PCDHA13: variants seen among roughly 807,000 people sequenced by gnomAD.
PCDHA13 encodes the protein protocadherin alpha-13.
PCDHA13 carries 54 observed loss-of-function variants against 64.8 expected under a neutral mutation model. The ratio of observed to expected loss-of-function variants is 0.83; its 90% CI spans 0.67 to 1.04. PCDHA13 has a LOEUF of 1.04. Among genes scored for constraint, PCDHA13 ranks in the 50% least tolerant of loss-of-function variants. The pLI is 0.00. For missense variants in PCDHA13, 1,248 were observed against 1,254.3 expected (o/e 0.99, Z 0.08); for synonymous variants, 587 against 564.4 (o/e 1.04, Z -0.57).
intron 1 of PCDHA13, among the ~76,000 whole-genome samples, chr5:140,944,151 A>G (rs2093615419): frequency 6.6e-6 from 1 of 152,070 alleles, no homozygotes; most frequent in African/African-American, 2.4e-5. Flanking sequence ...GAAGAGTTGA[A>G]AATTAAAGGG....
At chr5:140,983,184 T>C (rs1367703446) in intron 3 of PCDHA13, among the ~76,000 whole-genome samples, 2 of 152,192 alleles carry the variant, frequency 1.3e-5, no homozygotes, top group Non-Finnish European at 2.9e-5. Flanking sequence ...CACAATTTCT[T>C]AGTTTAGAGG....
chr5:140,896,194 T>G (rs2065426928), intron 1 of PCDHA13, among the ~76,000 whole-genome samples: 2 of 152,244 alleles, frequency 1.3e-5, no homozygotes, highest in Middle Eastern at 3.2e-3. Flanking sequence ...AATAGTGCCA[T>G]GATGAACATA....
intron 1 of PCDHA13, among the ~76,000 whole-genome samples, chr5:140,973,564 A>T (rs2096593487): frequency 6.6e-6 from 1 of 152,168 alleles, no homozygotes; most frequent in Admixed American, 6.5e-5. Context: ...CTCTTTCCTC[A>T]ATTTTTCTAC....
chr5:140,985,739 CTTTTT>C (rs11372071), intron 3 of PCDHA13, among the ~76,000 whole-genome samples: 1 of 117,916 alleles, frequency 8.5e-6, no homozygotes, highest in Non-Finnish European at 1.7e-5. Context: ...TGATGAATTC[CTTTTT>C]TTTTTTTTTT....
chr5:140,923,986 G>A (rs1482099424), intron 1 of PCDHA13, among the ~76,000 whole-genome samples: 2 of 152,074 alleles, frequency 1.3e-5, no homozygotes, highest in African/African-American at 2.4e-5. Flanking sequence ...ATCCCTCTAG[G>A]TGCAGCTCAG....
At chr5:140,986,828 G>C (rs1001117075) in intron 3 of PCDHA13, among the ~76,000 whole-genome samples, 2 of 152,146 alleles carry the variant, frequency 1.3e-5, no homozygotes, top group African/African-American at 2.4e-5. Flanking sequence ...TTTAGACAAT[G>C]GTTCTCAAAG....
intron 1 of PCDHA13, among the ~76,000 whole-genome samples, chr5:140,963,398 G>C (rs1465736344): frequency 6.6e-6 from 1 of 152,220 alleles, no homozygotes; most frequent in Admixed American, 6.5e-5. Flanking sequence ...CTCCCTACTG[G>C]ATGCTGTAGA....
intron 1 of PCDHA13, among the ~76,000 whole-genome samples, chr5:140,895,298 C>A (rs1208960325): frequency 6.6e-6 from 1 of 151,928 alleles, no homozygotes; most frequent in Non-Finnish European, 1.5e-5. Context: ...CCTTCGATTT[C>A]CCCCCTTCCA....
intron 1 of PCDHA13, among the ~76,000 whole-genome samples, chr5:140,916,805 A>G (rs560427769): frequency 6.6e-6 from 1 of 152,152 alleles, no homozygotes; most frequent in Non-Finnish European, 1.5e-5. Context: ...ATGACTTCCT[A>G]GGTCATGTGC....
At chr5:140,946,191 CAAAAG>C (rs2093900144) in intron 1 of PCDHA13, among the ~76,000 whole-genome samples, 1 of 151,950 alleles carries the variant, frequency 6.6e-6, no homozygotes, top group Non-Finnish European at 1.5e-5. Flanking sequence ...AGACATTTCT[CAAAAG>C]AAAGCACACA....
At chr5:141,008,745 G>A (rs759690147) in intron 3 of PCDHA13, among the ~76,000 whole-genome samples, 5 of 152,200 alleles carry the variant, frequency 3.3e-5, no homozygotes, top group Non-Finnish European at 7.3e-5. Context: ...TGAGCACACT[G>A]AGGGAAGGAA....
intron 1 of PCDHA13, among the ~76,000 whole-genome samples, chr5:140,893,588 A>G (rs2064072698): frequency 6.6e-6 from 1 of 152,212 alleles, no homozygotes; most frequent in South Asian, 2.1e-4. Flanking sequence ...TTGTTTGGGA[A>G]ATACTTTATT....
intron 1 of PCDHA13, among the ~76,000 whole-genome samples, chr5:140,890,467 AT>A (rs1562850687): frequency 1.3e-5 from 2 of 152,154 alleles, no homozygotes; most frequent in African/African-American, 4.8e-5. Context: ...AAATATTTCA[AT>A]TTTTTGTGCG....
intron 3 of PCDHA13, among the ~76,000 whole-genome samples, chr5:140,989,450 T>C (rs1299416259): frequency 6.6e-6 from 1 of 152,208 alleles, no homozygotes; most frequent in Admixed American, 6.5e-5. Context: ...TTGTTTAGAA[T>C]TGTTAGGCTT....
Position 140,884,627 on chromosome 5 carries a change from G to C in PCDHA13, c.2359G>C (p.Gly787Arg), listed in dbSNP as rs140550923. Residue 787 changes from glycine (G) to arginine (R), a missense_variant, in exon 1 of 4, where the codon GGC becomes CGC. Transcript: ENST00000289272. ...TTGTCTGGGTTCTGCAGAGGGAACA[G>C]GCCAGAGGGAGGAGGACTCAGAATG... ...PPCLGSAEGT[G>R]QREEDSECLK... is the part of the protein sequence containing the mutation. The C allele has an allele frequency of 4.8e-5, 77 of 1,612,780 alleles. No individual in the cohort carries two copies. In the African/African-American group the frequency reaches 8.8e-4, roughly 18 times the overall value.
chr5:140,992,465 C>G (rs1554252929), intron 3 of PCDHA13, among the ~76,000 whole-genome samples: 2 of 152,162 alleles, frequency 1.3e-5, no homozygotes. Flanking sequence ...GGACAGTACT[C>G]TTTAGATCAC....
intron 1 of PCDHA13, chr5:140,968,472 T>C (rs1554230782): frequency 6.2e-7 from 1 of 1,614,130 alleles, no homozygotes; most frequent in Non-Finnish European, 8.5e-7. Context: ...AACGTATATG[T>C]GGTGGACATG....
intron 1 of PCDHA13, among the ~76,000 whole-genome samples, chr5:140,891,306 A>G (rs1452305510): frequency 6.6e-6 from 1 of 152,034 alleles, no homozygotes; most frequent in African/African-American, 2.4e-5. Flanking sequence ...ATTTGATTAC[A>G]TGAGTAAGTT....
intron 3 of PCDHA13, among the ~76,000 whole-genome samples, chr5:141,000,533 T>G (rs1554257655): frequency 3.4e-5 from 5 of 147,384 alleles, no homozygotes; most frequent in Admixed American, 1.4e-4. Context: ...GTTCAAGTGA[T>G]TCTCATGCCT....
Sources: allele counts gnomAD v4.1 joint callset (sites outside exome capture counted in the v4.1 genomes callset), GRCh38; gene constraint gnomAD v4.1.1; transcripts MANE v1.5; gene names NCBI Gene and HGNC (gene_info 2026-07-23, HGNC 2026-07-21).